Variants in LRRC4C observed in about 807,000 individuals in gnomAD.
The protein encoded by LRRC4C is leucine rich repeat containing 4C.
Under a neutral mutation model 33.6 loss-of-function variants are expected in LRRC4C, and 5 were observed. The observed-to-expected ratio is 0.15, with a 90% CI of 0.08 to 0.31. The LOEUF (loss-of-function observed/expected upper bound fraction) is 0.31, where lower values mean the gene tolerates loss of function less well. Among genes scored for constraint, LRRC4C ranks in the 10% least tolerant of loss-of-function variants. The pLI, the probability that LRRC4C is intolerant of heterozygous loss-of-function variation, is 1.00. For missense variants in LRRC4C, 560 were observed against 796.7 expected, an observed-to-expected ratio of 0.70 and a Z score of 3.58; for synonymous variants, 329 against 302.0, an observed-to-expected ratio of 1.09 and a Z score of -0.93.
At chr11:41,246,780 G>T (rs1374693558) in intron 1 of LRRC4C, among the ~76,000 whole-genome samples, 1 of 152,172 alleles carries the variant, frequency 6.6e-6, no homozygotes, top group Admixed American at 6.5e-5. Context: ...AGCTGAGAGG[G>T]TTTACCCAAT....
At chr11:40,434,032 T>C (rs902542032) in intron 3 of LRRC4C, among the ~76,000 whole-genome samples, 18 of 152,196 alleles carry the variant, frequency 1.2e-4, no homozygotes, top group African/African-American at 4.1e-4. Flanking sequence ...TAAACAACTA[T>C]TTTTTCTTCT....
intron 1 of LRRC4C, among the ~76,000 whole-genome samples, chr11:41,170,354 A>G (rs1944918105): frequency 1.3e-5 from 2 of 152,304 alleles, no homozygotes; most frequent in South Asian, 4.1e-4. Context: ...ACTTCAAACT[A>G]TACTACAAGA....
intron 3 of LRRC4C, among the ~76,000 whole-genome samples, chr11:40,593,373 A>G (rs1959144861): frequency 6.6e-6 from 1 of 152,216 alleles, no homozygotes; most frequent in Admixed American, 6.5e-5. Context: ...CACTCCCTGT[A>G]CACATACACA....
intron 2 of LRRC4C, among the ~76,000 whole-genome samples, chr11:40,880,428 T>C (rs1955109604): frequency 6.6e-6 from 1 of 151,654 alleles, no homozygotes; most frequent in Non-Finnish European, 1.5e-5. Flanking sequence ...AAGGGTTTTA[T>C]GCCATGGTTC....
rs74482372 is a variant in LRRC4C, at chr11:41,311,904, C to T, written c.-496+147527G>A. Among the ~76,000 whole-genome samples, 518 of 152,184 alleles carry T rather than the reference C, an allele frequency of 3.4e-3. 1 individual carries two copies. The highest frequency in any genetic ancestry group is 0.012 in the African/African-American group (481 of 41,540). ...TCAGTGGAAGTAGGGGTTTCTCTGT[C>T]TTATTTACAGCATAAATCCATGGAT... On this transcript the variant is annotated intron_variant, in intron 1 of 6. Transcript: ENST00000528697.
chr11:40,921,495 C>T (rs1039833970), intron 2 of LRRC4C, among the ~76,000 whole-genome samples: 9 of 152,080 alleles, frequency 5.9e-5, no homozygotes, highest in Non-Finnish European at 8.8e-5. Context: ...AATGAATCCT[C>T]CCTTAGATCA....
chr11:41,271,373 C>A (rs1161368104), intron 1 of LRRC4C, among the ~76,000 whole-genome samples: 1 of 152,078 alleles, frequency 6.6e-6, no homozygotes, highest in Non-Finnish European at 1.5e-5. Context: ...CATTTTCCTC[C>A]CAAACTTCTA....
At chr11:40,918,796 T>C (rs1039494264) in intron 2 of LRRC4C, among the ~76,000 whole-genome samples, 8 of 152,120 alleles carry the variant, frequency 5.3e-5, no homozygotes, top group African/African-American at 1.9e-4. Context: ...ATTTTTTCTC[T>C]GTCATCACTC....
intron 1 of LRRC4C, among the ~76,000 whole-genome samples, chr11:41,171,756 A>C (rs2136099315): frequency 6.6e-6 from 1 of 152,164 alleles, no homozygotes; most frequent in South Asian, 2.1e-4. Context: ...TCCAGATGAA[A>C]TTGCAAAATA....
intron 3 of LRRC4C, among the ~76,000 whole-genome samples, chr11:40,407,487 C>T (rs1249612306): frequency 6.6e-6 from 1 of 152,082 alleles, no homozygotes; most frequent in East Asian, 1.9e-4. Flanking sequence ...CAAAGGAAAT[C>T]TCCCTGAAAG....
chr11:41,144,159 A>G (rs1302448641), intron 1 of LRRC4C, among the ~76,000 whole-genome samples: 2 of 152,166 alleles, frequency 1.3e-5, no homozygotes, highest in Non-Finnish European at 2.9e-5. Context: ...ATGAAACCAT[A>G]AACCAGGGCA....
chr11:40,885,192 A>G (rs1049134120), intron 2 of LRRC4C, among the ~76,000 whole-genome samples: 1 of 152,226 alleles, frequency 6.6e-6, no homozygotes, highest in African/African-American at 2.4e-5. Flanking sequence ...TTCCAAATAC[A>G]TAAATAAACT....
chr11:40,609,594 GA>G (rs1223573714), intron 3 of LRRC4C, among the ~76,000 whole-genome samples: 9 of 151,532 alleles, frequency 5.9e-5, no homozygotes, highest in Admixed American at 3.3e-4. Context: ...AAAAACAATA[GA>G]AAAAAACCAA....
chr11:40,852,997 A>G (rs1332491120), intron 2 of LRRC4C, among the ~76,000 whole-genome samples: 1 of 152,212 alleles, frequency 6.6e-6, no homozygotes, highest in Admixed American at 6.5e-5. Flanking sequence ...TGTGTCACAT[A>G]GAGATGTTTT....
intron 2 of LRRC4C, among the ~76,000 whole-genome samples, chr11:40,871,501 T>C (rs1238466975): frequency 6.6e-6 from 1 of 152,148 alleles, no homozygotes; most frequent in African/African-American, 2.4e-5. Flanking sequence ...CCTACGTGAC[T>C]ATTGTGGGCA....
At chr11:40,472,149 G>A (rs146182104) in intron 3 of LRRC4C, among the ~76,000 whole-genome samples, 21,369 of 151,842 alleles carry the variant, frequency 0.14, 1,570 homozygotes, top group Admixed American at 0.15. Flanking sequence ...TCGTGGTTGC[G>A]CATGCCTGTA....
chr11:40,398,806 A>ATTTT (rs1264832970), intron 3 of LRRC4C, among the ~76,000 whole-genome samples: 2 of 152,046 alleles, frequency 1.3e-5, no homozygotes, highest in African/African-American at 4.8e-5. Context: ...AAGAAAGGGA[A>ATTTT]TTTTTTAAAT....
At chr11:41,018,557 A>G (rs1855746676) in intron 1 of LRRC4C, among the ~76,000 whole-genome samples, 1 of 152,018 alleles carries the variant, frequency 6.6e-6, no homozygotes, top group Non-Finnish European at 1.5e-5. Context: ...CTCCTTGATT[A>G]TTTTGAGCAG....
At chr11:41,254,000 A>G (rs1334908035) in intron 1 of LRRC4C, among the ~76,000 whole-genome samples, 2 of 152,194 alleles carry the variant, frequency 1.3e-5, no homozygotes, top group South Asian at 2.1e-4. Flanking sequence ...TTAAGTGTCA[A>G]TTTACTGTTT....
Sources: gnomAD v4.1 joint callset for allele counts (sites outside exome capture counted in the v4.1 genomes callset) on GRCh38, gnomAD v4.1.1 for gene constraint, MANE v1.5 for transcripts, NCBI Gene and HGNC (gene_info 2026-07-23, HGNC 2026-07-21) for gene names.